The following TMCO6 variants were observed in gnomAD, a reference collection of about 807,000 sequenced individuals.
The protein encoded by TMCO6 is transmembrane and coiled-coil domain-containing protein 6.
In TMCO6, 47 loss-of-function variants were observed where a neutral mutation model predicts 61.8. The observed-to-expected ratio is 0.76, with a 90% CI of 0.60 to 0.97. The LOEUF (loss-of-function observed/expected upper bound fraction) is 0.97, where lower values mean the gene tolerates loss of function less well. Ranked by LOEUF, TMCO6 falls within the 50% of genes least tolerant of loss-of-function variation. The probability of loss-of-function intolerance (pLI) is 0.00; values close to 1 mark genes in which losing one functional copy is unlikely to be tolerated. For missense variants in TMCO6, 557 were observed against 601.6 expected, an observed-to-expected ratio of 0.93 and a Z score of 0.78; for synonymous variants, 261 against 254.2, an observed-to-expected ratio of 1.03 and a Z score of -0.25.
chr5:140,647,599 A>T, downstream of TMCO6: 6 of 1,607,826 alleles, frequency 3.7e-6, no homozygotes, highest in Non-Finnish European at 5.1e-6. Flanking sequence ...TTAATATCGA[A>T]GTCGCCAATT....
chr5:140,601,261 T>C, the TMCO6 span, among the ~76,000 whole-genome samples: 2 of 152,310 alleles, frequency 1.3e-5, no homozygotes, highest in African/African-American at 4.8e-5. Context: ...TTTTTCTCAC[T>C]GATGTGCATA....
At chr5:140,642,806 G>A in intron 6 of TMCO6, 119 bp from the exon 7 acceptor site, 3 of 1,595,818 alleles carry the variant, frequency 1.9e-6, no homozygotes, top group South Asian at 2.2e-5. Context: ...TTTGGGTTTG[G>A]ACACTTTCCC....
intron 2 of TMCO6, among the ~76,000 whole-genome samples, chr5:140,640,561 A>C (rs1266567019): frequency 1.3e-5 from 2 of 151,414 alleles, no homozygotes; most frequent in South Asian, 2.1e-4. Flanking sequence ...GCGCGCCACC[A>C]CTAATTTTTG....
downstream of TMCO6, chr5:140,647,112 C>T: frequency 1.1e-6 from 1 of 927,614 alleles, no homozygotes; most frequent in South Asian, 1.9e-5. Context: ...ATATAAATTT[C>T]TTCATGGAAA....
the TMCO6 span, among the ~76,000 whole-genome samples, chr5:140,601,397 A>G: frequency 6.6e-6 from 1 of 152,126 alleles, no homozygotes; most frequent in Non-Finnish European, 1.5e-5. Flanking sequence ...CAGGTGATTC[A>G]AGGTAAGGTT....
chr5:140,617,089 C>T, the TMCO6 span, among the ~76,000 whole-genome samples: 1 of 151,974 alleles, frequency 6.6e-6, no homozygotes, highest in African/African-American at 2.4e-5. Flanking sequence ...ATAAACATTT[C>T]TCCAAAGAAG....
the TMCO6 span, among the ~76,000 whole-genome samples, chr5:140,628,180 A>G: frequency 1.0e-5 from 1 of 99,072 alleles, no homozygotes; most frequent in Non-Finnish European, 2.1e-5. Flanking sequence ...AGCTATATAT[A>G]TATATTTTTT....
chr5:140,632,879 G>C, the TMCO6 span: 1 of 1,614,200 alleles, frequency 6.2e-7, no homozygotes, highest in Non-Finnish European at 8.5e-7. This position sits in a 1 kb window ranked among gnomAD's most constrained non-coding sequence, Gnocchi z 6.2. Flanking sequence ...AGAAGTTGCA[G>C]ACGCAGCGGA....
the TMCO6 span, among the ~76,000 whole-genome samples, chr5:140,619,357 A>G: frequency 2.0e-5 from 3 of 152,160 alleles, no homozygotes; most frequent in Admixed American, 6.6e-5. Flanking sequence ...AAGCAGCCAG[A>G]AAAAAACAAA....
intron 11 of TMCO6, 115 bp downstream of exon 11, chr5:140,644,855 G>A (rs909640632): frequency 6.6e-7 from 1 of 1,515,074 alleles, no homozygotes; most frequent in Middle Eastern, 1.9e-4. Context: ...ACCTATATAG[G>A]TTCCATGTCA....
rs142729300 is a variant in TMCO6 at position 140,642,682 on chromosome 5, T to C, written c.689+11T>C. 2.0e-4 allele frequency: 320 copies of C among 1,613,992 alleles called. No homozygotes were observed. In the African/African-American group the frequency reaches 2.9e-3, roughly 15 times the overall value. On this transcript the variant is annotated intron_variant, in intron 6 of 11. Coordinates refer to ENST00000394671, the MANE Select transcript of TMCO6 (RefSeq NM_018502.5). ...AGAGAAGATCATTCCGTGAGTAAAA[T>C]TGTCTTTAGATGTGCAGCCAGAGGT...
At chr5:140,613,424 A>T in the TMCO6 span, among the ~76,000 whole-genome samples, 1 of 145,398 alleles carries the variant, frequency 6.9e-6, no homozygotes, top group Non-Finnish European at 1.5e-5. Flanking sequence ...AAATGGTGGC[A>T]GGAGTAGCTC....
chr5:140,611,401 A>G, the TMCO6 span, among the ~76,000 whole-genome samples: 1 of 152,176 alleles, frequency 6.6e-6, no homozygotes, highest in Non-Finnish European at 1.5e-5. Context: ...GGCCTATTGT[A>G]TGAGTGTGAA....
At chr5:140,611,793 A>C in the TMCO6 span, among the ~76,000 whole-genome samples, 1 of 152,186 alleles carries the variant, frequency 6.6e-6, no homozygotes, top group Admixed American at 6.6e-5. Context: ...ACTTAACCAC[A>C]AGATCAGACC....
chr5:140,640,497 C>T (rs182141509), intron 2 of TMCO6, among the ~76,000 whole-genome samples: 2 of 151,920 alleles, frequency 1.3e-5, no homozygotes, highest in Non-Finnish European at 1.5e-5. Context: ...CATCCGCCTC[C>T]CGGGTTCAAG....
rs768631054 is a variant in TMCO6 at position 140,645,045 on chromosome 5, G to C, written c.1429G>C (p.Ala477Pro). The C allele has an allele frequency of 2.5e-6, 4 of 1,614,080 alleles. No homozygotes were observed. The East Asian group carries it at 8.9e-5, about 36-fold the overall frequency. ...AGCCCTGGAAAGGCATCAGGAAGAG[G>C]CCCAGCTCCAGGATCGTGTGTATGC... is the stretch of plus-strand genomic sequence containing the variant. The part of the protein sequence containing the change: ...LQALERHQEE[A>P]QLQDRVYALQ... The change falls in exon 12 of 12, where the codon GCC (alanine) becomes CCC (proline). Residue 477 changes from alanine to proline, a missense_variant. Ala to Pro is a conservative substitution (Grantham distance 27). Coordinates refer to ENST00000394671, the MANE Select transcript of TMCO6 (RefSeq NM_018502.5).
At chr5:140,599,933 TAAAATAA>T in the TMCO6 span, among the ~76,000 whole-genome samples, 15 of 133,208 alleles carry the variant, frequency 1.1e-4, no homozygotes, top group African/African-American at 2.8e-4. Context: ...TAAAATAAAA[TAAAATAA>T]AATAAAATAA....
Position 140,644,161 on chromosome 5 carries a change from G to A in TMCO6, c.1167G>A (p.Gln389=). The part of the protein sequence containing the change: ...LSLDLIEPLL[Q]LLPVSNVVSV... ...TGGATCTGATTGAGCCTCTCTTACA[G>A]CTGTTGCCAGTATCTAACGTGGTGA... Residue 389 remains glutamine, a synonymous_variant, in exon 10 of 12, where the codon CAG becomes CAA. Coordinates refer to ENST00000394671, the MANE Select transcript of TMCO6 (RefSeq NM_018502.5). 1 of 1,614,192 alleles carries A rather than the reference G, an allele frequency of 6.2e-7. No homozygotes were observed. Among genetic ancestry groups the A allele is most frequent in the Non-Finnish European group, 8.5e-7 (1 of 1,180,050 alleles).
chr5:140,622,657 G>A, the TMCO6 span, among the ~76,000 whole-genome samples: 8 of 142,962 alleles, frequency 5.6e-5, no homozygotes, highest in Non-Finnish European at 1.2e-4. Context: ...AGGGAACAAC[G>A]AAAATAAGAA....
Sources: allele counts gnomAD v4.1 joint callset (sites outside exome capture counted in the v4.1 genomes callset), GRCh38; gene constraint gnomAD v4.1.1; non-coding constraint Gnocchi (gnomAD v3.1); transcripts MANE v1.5; gene names NCBI Gene and HGNC (gene_info 2026-07-23, HGNC 2026-07-21).